ELMOD3: variants seen among roughly 807,000 people sequenced by gnomAD.
The protein encoded by ELMOD3 is ELMO domain containing 3.
In ELMOD3, 36 loss-of-function variants were observed where a neutral mutation model predicts 47.4. The observed-to-expected ratio is 0.76, with a 90% CI of 0.58 to 1.00. The LOEUF (loss-of-function observed/expected upper bound fraction) is 1.00, where lower values mean the gene tolerates loss of function less well. Ranked by LOEUF, ELMOD3 falls within the 50% of genes least tolerant of loss-of-function variation. ELMOD3 has a pLI of 0.00. For missense variants in ELMOD3, 404 were observed against 463.8 expected (o/e 0.87, Z 1.18); for synonymous variants, 149 against 183.5 (o/e 0.81, Z 1.52).
In ELMOD3 at chr2:85,376,569, G is replaced by A. The variant is rs560478613; in HGVS notation, c.608-775G>A. Among the ~76,000 whole-genome samples the A allele has an allele frequency of 4.8e-4, 73 of 152,254 alleles. No homozygotes were observed. Among genetic ancestry groups the A allele is most frequent in the Admixed American group, 1.9e-3 (29 of 15,300 alleles). On this transcript the variant is annotated intron_variant, in intron 10 of 13. Coordinates refer to ENST00000409013, the MANE Select transcript of ELMOD3 (RefSeq NM_001135022.2). This position sits in a 1 kb window ranked among gnomAD's most constrained non-coding sequence, Gnocchi z 4.2. ...AAGATAAAGTCCCAGCTCCCTGCCC[G>A]GCCTTCTCTGACGCTACCCTTGTGG...
In ELMOD3 at chr2:85,363,237, C is replaced by T; in HGVS notation, c.199+71C>T. On this transcript the variant is annotated intron_variant, in intron 6 of 13. Transcript: ENST00000409013. ...CAGACCTTCCCATGCATCTGCTGTT[C>T]ATCATTTGAATTTCTCTCACTCCTT... 3.6e-6 allele frequency: 3 copies of T among 828,782 alleles called. No homozygotes were observed. The South Asian group carries it at 4.3e-5, about 12-fold the overall frequency. The allele number at this position is 828,782 out of a possible 1,614,324, so 51.3% of individuals were successfully genotyped here. A position where few individuals can be genotyped will look rare whatever the true frequency, so the allele number is the denominator to read the frequency against.
intron 7 of ELMOD3, among the ~76,000 whole-genome samples, chr2:85,369,195 T>G (rs1272736283): frequency 1.3e-5 from 2 of 152,196 alleles, no homozygotes; most frequent in Admixed American, 6.5e-5. Flanking sequence ...TCCTGTTTCT[T>G]TCTAAGAGGT....
chr2:85,389,090 G>A (rs1686132714), intron 11 of ELMOD3, among the ~76,000 whole-genome samples: 1 of 152,218 alleles, frequency 6.6e-6, no homozygotes, highest in African/African-American at 2.4e-5. Context: ...TAAACATAGA[G>A]CATTAAAGCT....
intron 11 of ELMOD3, among the ~76,000 whole-genome samples, chr2:85,378,361 C>T (rs976458318): frequency 2.6e-5 from 4 of 152,178 alleles, no homozygotes; most frequent in Non-Finnish European, 4.4e-5. Flanking sequence ...AACACATGCC[C>T]GTGACACAGC....
At position 85,377,373 on chromosome 2, in the gene ELMOD3, G is replaced by T; in HGVS notation, c.637G>T (p.Ala213Ser). The T allele has an allele frequency of 6.2e-7, 1 of 1,607,904 alleles. No homozygotes were observed. The highest frequency in any genetic ancestry group is 2.3e-5 in the East Asian group (1 of 44,322). The change falls in exon 11 of 14, where the codon GCA becomes TCA. Residue 213 changes from alanine to serine, a missense_variant. Ala to Ser is a moderately conservative substitution (Grantham distance 99). Transcript: ENST00000409013. ...GAATCCAGCCACAGACCTGAGAGGC[G>T]CAGGCTTCCTTGCCCTCCTGCATCT... ...GANPATDLRG[A>S]GFLALLHLLY...
At chr2:85,364,582 CA>C (rs754211534) in intron 6 of ELMOD3, among the ~76,000 whole-genome samples, 3,339 of 124,618 alleles carry the variant, frequency 0.027, 43 homozygotes, top group Middle Eastern at 0.076. Context: ...GACTCCATCT[CA>C]AAAAAAAAAA....
intron 11 of ELMOD3, chr2:85,387,073 CT>C (rs747609600): frequency 2.3e-6 from 3 of 1,299,616 alleles, no homozygotes; most frequent in Non-Finnish European, 3.0e-6. Context: ...TGTTACCATA[CT>C]GTTTTTCTCA....
rs1685233815 is a variant in ELMOD3 at position 85,377,395 on chromosome 2, A to G, written c.659A>G (p.His220Arg). 1 of 1,610,966 alleles carries G rather than the reference A, an allele frequency of 6.2e-7. No homozygotes were observed. The highest frequency in any genetic ancestry group is 2.2e-5 in the East Asian group (1 of 44,604). ...GGCGCAGGCTTCCTTGCCCTCCTGCATCTGCTCTACCTGGTGATGGACTCA... is the reference window on the plus strand; with the variant it reads ...GGCGCAGGCTTCCTTGCCCTCCTGCGTCTGCTCTACCTGGTGATGGACTCA... Reference protein sequence around the residue: ...LRGAGFLALLHLLYLVMDSKT... With the variant: ...LRGAGFLALLRLLYLVMDSKT... The change falls in exon 11 of 14, where the codon CAT (histidine) becomes CGT (arginine). Residue 220 changes from histidine to arginine, a missense_variant. Coordinates refer to ENST00000409013, the MANE Select transcript of ELMOD3 (RefSeq NM_001135022.2).
chr2:85,371,632 C>G (rs967807235), intron 10 of ELMOD3, 70 bp downstream of exon 10: 3 of 1,594,166 alleles, frequency 1.9e-6, no homozygotes, highest in East Asian at 2.2e-5. Flanking sequence ...GAGGCCAGGT[C>G]GTTCTCTTCC....
intron 2 of ELMOD3, 30 bp from the exon 3 acceptor site, chr2:85,355,525 G>A (rs1394277991): frequency 6.6e-6 from 1 of 152,148 alleles, no homozygotes; most frequent in African/African-American, 2.4e-5. Flanking sequence ...TTGTTTAATG[G>A]AATTGTTGCT....
At chr2:85,364,477 A>C (rs1684208603) in intron 6 of ELMOD3, among the ~76,000 whole-genome samples, 2 of 151,612 alleles carry the variant, frequency 1.3e-5, no homozygotes, top group South Asian at 4.2e-4. Flanking sequence ...CCAGCTACTC[A>C]GCAGGCTGAG....
rs942363433 is a variant in ELMOD3 at position 85,390,947 on chromosome 2, C to T, written c.1131C>T (p.Gly377=). ...ESDLQSHSSE[G]VWLI is the part of the protein sequence containing the mutation. ...ACCTGCAGTCTCACTCATCCGAAGG[C>T]GTATGGCTGATCTGACCTCCGAGAT... Residue 377 remains glycine (G), a synonymous_variant, in exon 14 of 14, where the codon GGC becomes GGT. Transcript: ENST00000409013. 5 of 1,551,382 alleles carry T rather than the reference C, an allele frequency of 3.2e-6. No homozygotes were observed. Among genetic ancestry groups the T allele is most frequent in the East Asian group, 2.4e-5 (1 of 40,908 alleles).
At chr2:85,382,116 C>CAAAAAA (rs59898267) in intron 11 of ELMOD3, among the ~76,000 whole-genome samples, 1 of 39,886 alleles carries the variant, frequency 2.5e-5, no homozygotes, top group Non-Finnish European at 4.1e-5. Context: ...GACTCCTTCT[C>CAAAAAA]AAAAAAAAAA....
intron 6 of ELMOD3, among the ~76,000 whole-genome samples, chr2:85,364,204 A>G (rs1225609153): frequency 6.6e-6 from 1 of 150,462 alleles, no homozygotes; most frequent in Non-Finnish European, 1.5e-5. Flanking sequence ...GCAGTGGTGC[A>G]ATCATAGAAT....
At chr2:85,373,740 G>A (rs1684967648) in intron 10 of ELMOD3, among the ~76,000 whole-genome samples, 1 of 151,724 alleles carries the variant, frequency 6.6e-6, no homozygotes, top group African/African-American at 2.4e-5. Context: ...GTGGGAGGCT[G>A]AGGCAGGAGA....
intron 11 of ELMOD3, among the ~76,000 whole-genome samples, chr2:85,384,427 C>T (rs1469906731): frequency 6.6e-6 from 1 of 152,098 alleles, no homozygotes; most frequent in African/African-American, 2.4e-5. Flanking sequence ...AGTTAGCCTC[C>T]ACGGGCCCAA....
In ELMOD3 at chr2:85,378,281, CT is replaced by C. The variant is rs202246695; in HGVS notation, c.738+812del. On this transcript the variant is annotated intron_variant, in intron 11 of 13. Coordinates refer to ENST00000409013, the MANE Select transcript of ELMOD3 (RefSeq NM_001135022.2). ...TCTTTGAAGAGGAACGTCTACTTTACTTTTTACAGTGTGACCCTGAAAATCT... is the reference window on the plus strand; with the variant it reads ...TCTTTGAAGAGGAACGTCTACTTTACTTTTACAGTGTGACCCTGAAAATCT... Among the ~76,000 whole-genome samples the C allele has an allele frequency of 7.8e-3, 1,195 of 152,274 alleles. 13 individuals carry two copies. Among genetic ancestry groups the C allele is most frequent in the African/African-American group, 0.027 (1,133 of 41,534 alleles).
chr2:85,377,715 T>C lies in ELMOD3; in HGVS notation c.738+241T>C, dbSNP rs56265944. Among the ~76,000 whole-genome samples the C allele has an allele frequency of 0.088, 13,439 of 152,322 alleles. 643 individuals are homozygous for C. Among genetic ancestry groups the C allele is most frequent in the South Asian group, 0.16 (782 of 4,830 alleles). On this transcript the variant is annotated intron_variant, in intron 11 of 13. Transcript: ENST00000409013. ...AAATCATAGTGTTGTTAGAAATGCTTGTTCTTTGGTGCCGTAAAGAAATAG... is the reference window on the plus strand; with the variant it reads ...AAATCATAGTGTTGTTAGAAATGCTCGTTCTTTGGTGCCGTAAAGAAATAG...
intron 11 of ELMOD3, among the ~76,000 whole-genome samples, chr2:85,379,490 C>G (rs1015625517): frequency 6.6e-6 from 1 of 152,196 alleles, no homozygotes; most frequent in African/African-American, 2.4e-5. Context: ...CAGGTGTGAG[C>G]CACCGTGCCT....
Sources: allele counts gnomAD v4.1 joint callset (sites outside exome capture counted in the v4.1 genomes callset), GRCh38; gene constraint gnomAD v4.1.1; non-coding constraint Gnocchi (gnomAD v3.1); transcripts MANE v1.5; gene names NCBI Gene and HGNC (gene_info 2026-07-23, HGNC 2026-07-21).